Variants in SPPL2B observed in about 807,000 individuals in gnomAD.
The protein encoded by SPPL2B is signal peptide peptidase-like 2B.
SPPL2B carries 39 observed loss-of-function variants against 59.7 expected under a neutral mutation model. The observed-to-expected ratio is 0.65, with a 90% CI of 0.51 to 0.85. The LOEUF (loss-of-function observed/expected upper bound fraction) is 0.85. Among genes scored for constraint, SPPL2B ranks in the 40% least tolerant of loss-of-function variants. The pLI is 0.00. For missense variants in SPPL2B, 865 were observed against 849.0 expected (o/e 1.02, Z -0.23); for synonymous variants, 419 against 370.8 (o/e 1.13, Z -1.49).
chr19:2,343,596 C>T (rs949898638), intron 9 of SPPL2B, among the ~76,000 whole-genome samples: 6 of 152,064 alleles, frequency 3.9e-5, no homozygotes, highest in South Asian at 4.1e-4. Flanking sequence ...ACCGGGAGTG[C>T]GGGGATGTTG....
In SPPL2B at chr19:2,332,698, T is replaced by C. The variant is rs567859583; in HGVS notation, c.67-1904T>C. ...GAACGGGCAGGCCTAGGGCATGGGG[T>C]GGGTCTCCTTGGTCCCTGGCACGTG... On this transcript the variant is annotated intron_variant, in intron 1 of 14. Transcript: ENST00000613503. This position sits in a 1 kb window ranked among gnomAD's most constrained non-coding sequence, Gnocchi z 4.6. 3.3e-4 allele frequency among the ~76,000 whole-genome samples: 50 copies of C among 151,932 alleles called. No individual in the cohort carries two copies. Among genetic ancestry groups the C allele is most frequent in the African/African-American group, 1.2e-3 (50 of 41,426 alleles).
chr19:2,342,761 G>A (rs890130869), intron 8 of SPPL2B: 6 of 183,406 alleles, frequency 3.3e-5, no homozygotes, highest in East Asian at 1.3e-4. Context: ...ACAGCGTGAC[G>A]CCCACCATCC....
At chr19:2,339,743 TC>T in intron 5 of SPPL2B, 80 bp from the exon 6 acceptor site, 1 of 1,522,862 alleles carries the variant, frequency 6.6e-7, no homozygotes, top group Non-Finnish European at 8.9e-7. Context: ...TCTGCCCCGT[TC>T]CCCCGGGTGG....
chr19:2,339,739 C>G, intron 5 of SPPL2B, 85 bp from the exon 6 acceptor site: 4 of 1,512,278 alleles, frequency 2.6e-6, no homozygotes, highest in Non-Finnish European at 3.6e-6. Context: ...GTTTTCTGCC[C>G]CGTTCCCCCG....
At chr19:2,339,539 G>C in intron 5 of SPPL2B, 1 of 585,304 alleles carries the variant, frequency 1.7e-6, no homozygotes. Flanking sequence ...CCCATGTCCA[G>C]GGCTCTTTAT....
At chr19:2,337,719 A>G in intron 3 of SPPL2B, 94 bp downstream of exon 3, 2 of 1,254,664 alleles carry the variant, frequency 1.6e-6, no homozygotes, top group African/African-American at 1.5e-5. Flanking sequence ...TGGTCTTCCG[A>G]CTTCTCGCTA....
chr19:2,337,450 T>G lies in SPPL2B; in HGVS notation c.194T>G (p.Leu65Arg), dbSNP rs1337554491. 3 of 1,600,922 alleles carry G rather than the reference T, an allele frequency of 1.9e-6. No homozygotes were observed. ...LPHDLSKASFLQLRNWTASLL... is the reference protein window; with the variant it reads ...LPHDLSKASFRQLRNWTASLL... ...GTGCCCTGGCCTTTCCAGTCTTTCC[T>G]GCAGCTGCGCAACTGGACGGCCTCC... Residue 65 changes from leucine (L) to arginine (R), a missense_variant, in exon 3 of 15, where the codon CTG becomes CGG. By Grantham distance (102) the Leu-to-Arg change is moderately radical. Transcript: ENST00000613503.
intron 13 of SPPL2B, 44 bp from the exon 14 acceptor site, chr19:2,351,390 C>G: frequency 6.6e-7 from 1 of 1,503,936 alleles, no homozygotes. Context: ...TGGGTGGTGG[C>G]CCTGGCCTGC....
intron 1 of SPPL2B, 54 bp downstream of exon 1, chr19:2,328,829 CT>C: frequency 7.6e-7 from 1 of 1,316,082 alleles, no homozygotes; most frequent in Non-Finnish European, 9.7e-7. Context: ...TTCGGCCTCT[CT>C]GTCCCCGGGC....
chr19:2,345,315 G>A lies in SPPL2B; in HGVS notation c.1339G>A (p.Val447Met), dbSNP rs1034801948. ...IQVQSSRVYF[V>M]ACTIAYGVGL... ...GGTACAGTCCTCCAGGGTATACTTC[G>A]TGGCCTGCACCATCGGTAAGTGCCT... The change falls in exon 13 of 15, where the codon GTG (valine) becomes ATG (methionine). Residue 447 changes from valine to methionine, a missense_variant. Transcript: ENST00000613503. The A allele has an allele frequency of 1.1e-5, 18 of 1,612,940 alleles. No homozygotes were observed. The highest frequency in any genetic ancestry group is 9.4e-5 in the African/African-American group (7 of 74,826).
intron 7 of SPPL2B, chr19:2,340,526 TG>T (rs755575030): frequency 2.0e-5 from 12 of 586,076 alleles, no homozygotes; most frequent in South Asian, 3.2e-5. Flanking sequence ...AGGGAGCTGC[TG>T]GGGGGTCTCC....
chr19:2,351,599 A>G lies in SPPL2B; in HGVS notation c.1515+5A>G. On this transcript the variant is annotated splice_donor_5th_base_variant and intron_variant, in intron 14 of 14. Transcript: ENST00000613503. ...TGGACGGGCAGCGGCTTTGCGGTGA[A>G]TACCAGTTTGCTCTGACTGTGAGAA... is the stretch of plus-strand genomic sequence containing the variant. The G allele has an allele frequency of 6.2e-7, 1 of 1,605,198 alleles. No homozygotes were observed. The highest frequency in any genetic ancestry group is 1.1e-5 in the South Asian group (1 of 90,612).
intron 2 of SPPL2B, 37 bp from the exon 3 acceptor site, chr19:2,337,406 C>G (rs375938131): frequency 3.9e-6 from 6 of 1,544,640 alleles, no homozygotes; most frequent in Non-Finnish European, 5.3e-6. Context: ...TGGTGACTCA[C>G]ATCACGTGAG....
At chr19:2,351,322 TC>T in intron 13 of SPPL2B, 111 bp from the exon 14 acceptor site, 2 of 832,048 alleles carry the variant, frequency 2.4e-6, no homozygotes, top group Non-Finnish European at 3.8e-6. Flanking sequence ...ACCTCTCCCG[TC>T]CTCGCACACC....
Position 2,334,625 on chromosome 19 carries a change from G to T in SPPL2B, c.90G>T (p.Val30=). The T allele has an allele frequency of 6.2e-7, 1 of 1,612,732 alleles. No homozygotes were observed. The highest frequency in any genetic ancestry group is 8.5e-7 in the Non-Finnish European group (1 of 1,179,474). Residue 30 remains valine, a synonymous_variant, in exon 2 of 15, where the codon GTG becomes GTT. Coordinates refer to ENST00000613503, the MANE Select transcript of SPPL2B (RefSeq NM_152988.3). ...AAQVACEYGM[V]HVVSQAGGPE... is the part of the protein sequence containing the mutation. Reference sequence around the variant, plus strand: ...AGGTGGCCTGTGAGTACGGCATGGTGCACGTGGTCTCCCAGGCCGGGGGCC... The same window carrying T: ...AGGTGGCCTGTGAGTACGGCATGGTTCACGTGGTCTCCCAGGCCGGGGGCC...
chr19:2,337,755 T>C (rs1968740182), intron 3 of SPPL2B, 130 bp downstream of exon 3: 1 of 972,064 alleles, frequency 1.0e-6, no homozygotes, highest in Non-Finnish European at 1.5e-6. Flanking sequence ...GTGGGGAGGA[T>C]CTGGGCCGAG....
At chr19:2,334,378 C>G (rs1968442983) in intron 1 of SPPL2B, among the ~76,000 whole-genome samples, 2 of 152,234 alleles carry the variant, frequency 1.3e-5, no homozygotes, top group Non-Finnish European at 1.5e-5. Flanking sequence ...TGGTCACCAG[C>G]CTGGGGCTCC....
chr19:2,328,920 G>T, intron 1 of SPPL2B, 145 bp downstream of exon 1: 1 of 707,376 alleles, frequency 1.4e-6, no homozygotes, highest in East Asian at 3.5e-5. Context: ...GTCGGCCGGC[G>T]GTGCCGGGGC....
chr19:2,346,095 A>G (rs1179825365), intron 13 of SPPL2B, among the ~76,000 whole-genome samples: 1 of 152,146 alleles, frequency 6.6e-6, no homozygotes, highest in East Asian at 1.9e-4. Context: ...AAGTGCTGTT[A>G]TCTGTTGACC....
Sources: allele counts gnomAD v4.1 joint callset (sites outside exome capture counted in the v4.1 genomes callset), GRCh38; gene constraint gnomAD v4.1.1; non-coding constraint Gnocchi (gnomAD v3.1); transcripts MANE v1.5; gene names NCBI Gene and HGNC (gene_info 2026-07-23, HGNC 2026-07-21).